Variants in CUX2 observed in about 807,000 individuals in gnomAD.
CUX2 encodes cut like homeobox 2.
In CUX2, 40 loss-of-function variants were observed where a neutral mutation model predicts 144.8. The observed-to-expected ratio is 0.28, with a 90% confidence interval of 0.21 to 0.36. The LOEUF (loss-of-function observed/expected upper bound fraction) is 0.36, where lower values mean the gene tolerates loss of function less well. CUX2 is among the 10% of genes least tolerant of loss of function. The pLI, the probability that CUX2 is intolerant of heterozygous loss-of-function variation, is 1.00. For synonymous variants in CUX2, 827 were observed against 875.6 expected (o/e 0.94, Z 0.98); for missense variants, 1,615 against 1,994.0 (o/e 0.81, Z 3.62).
At chr12:111,201,134 C>T (rs749653083) in intron 1 of CUX2, among the ~76,000 whole-genome samples, 3 of 152,162 alleles carry the variant, frequency 2.0e-5, no homozygotes, top group Non-Finnish European at 2.9e-5. Flanking sequence ...CCTCCCTGGC[C>T]GGGGCTTCTA....
intron 3 of CUX2, among the ~76,000 whole-genome samples, chr12:111,224,088 C>G (rs1380965326): frequency 6.6e-6 from 1 of 152,172 alleles, no homozygotes; most frequent in Non-Finnish European, 1.5e-5. Context: ...AGCTCTGACT[C>G]AGATTTTAAC....
chr12:111,298,701 T>A, intron 9 of CUX2, 112 bp downstream of exon 9: 1 of 1,131,960 alleles, frequency 8.8e-7, no homozygotes, highest in Non-Finnish European at 1.3e-6. Flanking sequence ...TTTATTCAAC[T>A]GTGGGTCTTG....
Position 111,348,022 on chromosome 12 carries a change from C to T in CUX2, c.4158C>T (p.Ser1386=). The T allele has an allele frequency of 6.2e-7, 1 of 1,614,068 alleles. No individual in the cohort carries two copies. Among genetic ancestry groups the T allele is most frequent in the Non-Finnish European group, 8.5e-7 (1 of 1,180,024 alleles). Residue 1386 remains serine (S), a synonymous_variant, in exon 22 of 22, where the codon TCC becomes TCT. Transcript: ENST00000261726. ...DPLSFKSASE[S]SRCSLEVSLN... ...TAAGTTTTAAGTCAGCCTCAGAGTC[C>T]TCACGCTGCAGCCTGGAGGTGTCAC...
In CUX2 at chr12:111,293,394, T is replaced by A. The variant is rs1885798087; in HGVS notation, c.437-52T>A. The A allele has an allele frequency of 1.3e-6, 2 of 1,563,122 alleles. No homozygotes were observed. The highest frequency in any genetic ancestry group is 2.3e-5 in the East Asian group (1 of 43,904). ...CCGGTTTACAGAAAGCGGCTCTGGCTGCCACGTTGCTCTCTTGGCAATGGG... is the reference window on the plus strand; with the variant it reads ...CCGGTTTACAGAAAGCGGCTCTGGCAGCCACGTTGCTCTCTTGGCAATGGG... On this transcript the variant is annotated intron_variant, in intron 5 of 21. Coordinates refer to ENST00000261726, the MANE Select transcript of CUX2 (RefSeq NM_015267.4). The surrounding 1 kb of genome is among the most constrained non-coding windows in gnomAD (Gnocchi z 4.5).
At chr12:111,114,475 TTATA>T (rs1394076867) in intron 1 of CUX2, among the ~76,000 whole-genome samples, 1 of 152,218 alleles carries the variant, frequency 6.6e-6, no homozygotes, top group Non-Finnish European at 1.5e-5. Context: ...TGAGGATTCT[TTATA>T]TATTCTGGGG....
Position 111,201,416 on chromosome 12 carries a change from C to A in CUX2, c.64-12784C>A, listed in dbSNP as rs180864189. Among the ~76,000 whole-genome samples the A allele has an allele frequency of 9.6e-4, 146 of 152,290 alleles. 1 individual carries two copies. Among genetic ancestry groups the A allele is most frequent in the Admixed American group, 5.0e-3 (76 of 15,300 alleles). ...CTAATCCCCACGAGGCTGTAAGATA[C>A]ATCCAGATGGTCACCCATTCCCCAA... On this transcript the variant is annotated intron_variant, in intron 1 of 21. Coordinates refer to ENST00000261726, the MANE Select transcript of CUX2 (RefSeq NM_015267.4).
chr12:111,100,956 C>T (rs1402636825), intron 1 of CUX2, among the ~76,000 whole-genome samples: 1 of 152,186 alleles, frequency 6.6e-6, no homozygotes, highest in Admixed American at 6.5e-5. Flanking sequence ...CAGCTCCAGT[C>T]AGAGCCTGGA....
chr12:111,150,536 G>T (rs1169841732), intron 1 of CUX2, among the ~76,000 whole-genome samples: 3 of 152,172 alleles, frequency 2.0e-5, no homozygotes, highest in Non-Finnish European at 4.4e-5. Context: ...CTTTTGGAGT[G>T]GGGGAAACAC....
At position 111,334,492 on chromosome 12, in the gene CUX2, A is replaced by T. The variant is rs1565928779; in HGVS notation, c.2978A>T (p.Glu993Val). ...CCATCCCCACCCCCCAGCCCCACAG[A>T]GCCTGAGAAGAGCTCCCAGGAGCCG... ...SSPSPPPSPT[E>V]PEKSSQEPLS... is the part of the protein sequence containing the mutation. Residue 993 changes from glutamate (E) to valine (V), a missense_variant, in exon 19 of 22, where the codon GAG (glutamate) becomes GTG (valine). Glu to Val is a moderately radical substitution (Grantham distance 121, BLOSUM62 -2). This residue lies in a region of CUX2 where 128 missense variants were observed against 124.4 expected (regional missense o/e 1.03). Coordinates refer to ENST00000261726, the MANE Select transcript of CUX2 (RefSeq NM_015267.4). 2 of 1,611,846 alleles carry T rather than the reference A, an allele frequency of 1.2e-6. No individual in the cohort carries two copies. The highest frequency in any genetic ancestry group is 1.7e-6 in the Non-Finnish European group (2 of 1,178,740).
At chr12:111,075,129 C>T (rs938606222) in intron 1 of CUX2, among the ~76,000 whole-genome samples, 1 of 151,348 alleles carries the variant, frequency 6.6e-6, no homozygotes, top group African/African-American at 2.4e-5. Flanking sequence ...GCCCTGCTCA[C>T]AGGAGCAGCC....
In CUX2 at chr12:111,348,376, G is replaced by T; in HGVS notation, c.*51G>T. On this transcript the variant is annotated 3_prime_UTR_variant, in exon 22 of 22. Coordinates refer to ENST00000261726, the MANE Select transcript of CUX2 (RefSeq NM_015267.4). ...TACCCTGGTAACTACCTTCCTTCTC[G>T]CACTTACTCTCCTCAACAGGATGGG... 1 of 1,509,392 alleles carries T rather than the reference G, an allele frequency of 6.6e-7. No individual in the cohort carries two copies. The allele number at this position is 1,509,392 out of a possible 1,614,324, so 93.5% of individuals were successfully genotyped here.
At chr12:111,306,831 C>A in intron 10 of CUX2, 90 bp from the exon 11 acceptor site, 1 of 1,087,436 alleles carries the variant, frequency 9.2e-7, no homozygotes, top group Non-Finnish European at 1.3e-6. Flanking sequence ...AACAAATTTG[C>A]ATTCTGCTTG....
rs1229386174 is a variant in CUX2, at chr12:111,101,663, G to A, written c.63+67423G>A. 3.3e-5 allele frequency among the ~76,000 whole-genome samples: 5 copies of A among 152,318 alleles called. No individual in the cohort carries two copies. The South Asian group carries it at 1.0e-3, about 32-fold the overall frequency. Reference sequence around the variant, plus strand: ...TATCTGGAGCCTGGCTTCAAACACTGTGTGGCCTTGGGCATGTTGCTGAGC... The same window carrying A: ...TATCTGGAGCCTGGCTTCAAACACTATGTGGCCTTGGGCATGTTGCTGAGC... On this transcript the variant is annotated intron_variant, in intron 1 of 21. Coordinates refer to ENST00000261726, the MANE Select transcript of CUX2 (RefSeq NM_015267.4).
intron 1 of CUX2, among the ~76,000 whole-genome samples, chr12:111,200,448 C>T (rs535252745): frequency 6.6e-6 from 1 of 152,078 alleles, no homozygotes; most frequent in South Asian, 2.1e-4. Flanking sequence ...TATCTCAGGA[C>T]CCCGTACAGC....
At chr12:111,098,271 C>CACCCCGG (rs1235644552) in intron 1 of CUX2, among the ~76,000 whole-genome samples, 4 of 151,986 alleles carry the variant, frequency 2.6e-5, no homozygotes, top group Non-Finnish European at 2.9e-5. Flanking sequence ...GTGGTGGTGC[C>CACCCCGG]TGCCTGTAAT....
intron 1 of CUX2, among the ~76,000 whole-genome samples, chr12:111,072,989 TCCA>T (rs961349553): frequency 1.3e-5 from 2 of 152,176 alleles, no homozygotes; most frequent in Admixed American, 6.5e-5. Flanking sequence ...ATAAAAATGG[TCCA>T]CTTAAGAGAT....
intron 3 of CUX2, among the ~76,000 whole-genome samples, chr12:111,220,705 G>T (rs1241271978): frequency 8.4e-6 from 1 of 119,078 alleles, no homozygotes; most frequent in Non-Finnish European, 1.6e-5. Flanking sequence ...CCAGGAGTTT[G>T]AGACCAGCCT....
intron 1 of CUX2, 26 bp from the exon 2 acceptor site, chr12:111,214,169 CTCTCT>C (rs772806795): frequency 2.4e-5 from 29 of 1,193,078 alleles, no homozygotes; most frequent in African/African-American, 5.7e-5. Flanking sequence ...TTTTCTCTCT[CTCTCT>C]TTTTTTTTTT....
chr12:111,192,922 G>A (rs2136196715), intron 1 of CUX2, among the ~76,000 whole-genome samples: 1 of 152,314 alleles, frequency 6.6e-6, no homozygotes, highest in South Asian at 2.1e-4. Flanking sequence ...ACATGTCTCA[G>A]TTTTAATTTT....
Sources: gnomAD v4.1 joint callset for allele counts (sites outside exome capture counted in the v4.1 genomes callset) on GRCh38, gnomAD v4.1.1 for gene constraint, gnomAD v4.1.1 regional missense constraint, Gnocchi (gnomAD v3.1) non-coding constraint, MANE v1.5 for transcripts, NCBI Gene and HGNC (gene_info 2026-07-23, HGNC 2026-07-21) for gene names.